CIC: variants seen among roughly 807,000 people sequenced by gnomAD.
The protein encoded by CIC is capicua transcriptional repressor.
A neutral mutation model predicts 115.7 loss-of-function variants in CIC; 18 were observed. That is an observed-to-expected ratio of 0.16 (90% CI 0.11 to 0.23). The LOEUF (loss-of-function observed/expected upper bound fraction) is 0.23. CIC is among the 10% of genes least tolerant of loss of function. The probability of loss-of-function intolerance (pLI) is 1.00; values close to 1 mark genes in which losing one functional copy is unlikely to be tolerated. For missense variants in CIC, 2,000 were observed against 2,159.3 expected, an observed-to-expected ratio of 0.93 and a Z score of 1.46; for synonymous variants, 1,076 against 923.0, an observed-to-expected ratio of 1.17 and a Z score of -3.01.
At chr19:42,283,278 TTGTC>T (rs1485890725) in intron 2 of CIC, among the ~76,000 whole-genome samples, 3 of 151,868 alleles carry the variant, frequency 2.0e-5, no homozygotes, top group African/African-American at 7.3e-5. Flanking sequence ...GTTTGACATG[TTGTC>T]TGTTTGCATG....
At position 42,292,758 on chromosome 19, in the gene CIC, C is replaced by T; in HGVS notation, c.6095C>T (p.Ala2032Val). ...QAPPSLVYTVATSTTPPAATI... is the reference protein window; with the variant it reads ...QAPPSLVYTVVTSTTPPAATI... ...CCCCCAAGCCTGGTCTACACTGTGG[C>T]CACCAGCACAACCCCACCTGCAGCC... The change falls in exon 15 of 21, where the codon GCC (alanine) becomes GTC (valine). Residue 2032 changes from alanine to valine, a missense_variant. By Grantham distance (64) the Ala-to-Val change is moderately conservative. Transcript: ENST00000681038. 1 of 1,613,768 alleles carries T rather than the reference C, an allele frequency of 6.2e-7. No individual in the cohort carries two copies. Among genetic ancestry groups the T allele is most frequent in the Non-Finnish European group, 8.5e-7 (1 of 1,179,950 alleles).
Position 42,290,364 on chromosome 19 carries a change from A to G in CIC, c.4323A>G (p.Pro1441=), listed in dbSNP as rs1386233574. The part of the protein sequence containing the change: ...VAFGKGYGSA[P]SSSASSPASS... Reference sequence around the variant, plus strand: ...TTGGCAAAGGCTATGGTTCCGCCCCATCCTCCTCTGCGTCCTCGCCTGCTT... The same window carrying G: ...TTGGCAAAGGCTATGGTTCCGCCCCGTCCTCCTCTGCGTCCTCGCCTGCTT... The change falls in exon 11 of 21, where the codon CCA becomes CCG. Residue 1441 remains proline, a synonymous_variant. Coordinates refer to ENST00000681038, the MANE Select transcript of CIC (RefSeq NM_001386298.1). 11 of 1,613,716 alleles carry G rather than the reference A, an allele frequency of 6.8e-6. No individual in the cohort carries two copies. The highest frequency in any genetic ancestry group is 9.3e-6 in the Non-Finnish European group (11 of 1,179,936).
intron 2 of CIC, among the ~76,000 whole-genome samples, chr19:42,279,526 C>T (rs2037125374): frequency 1.3e-5 from 2 of 152,350 alleles, no homozygotes; most frequent in Non-Finnish European, 1.5e-5. Context: ...AAGGAAAAGG[C>T]AATTCCACCT....
intron 2 of CIC, among the ~76,000 whole-genome samples, chr19:42,279,806 T>C (rs967598101): frequency 1.3e-5 from 2 of 152,082 alleles, no homozygotes; most frequent in African/African-American, 4.8e-5. Flanking sequence ...GGGAAGAAGA[T>C]GGCTTGGGGA....
At position 42,287,598 on chromosome 19, in the gene CIC, G is replaced by A. The variant is rs371965355; in HGVS notation, c.3363G>A (p.Lys1121=). The A allele has an allele frequency of 3.3e-5, 53 of 1,613,738 alleles. No homozygotes were observed. Among genetic ancestry groups the A allele is most frequent in the Non-Finnish European group, 4.4e-5 (52 of 1,180,046 alleles). The change falls in exon 6 of 21, where the codon AAG becomes AAA. Residue 1121 remains lysine, a synonymous_variant. Coordinates refer to ENST00000681038, the MANE Select transcript of CIC (RefSeq NM_001386298.1). The surrounding 1 kb of genome is among the most constrained non-coding windows in gnomAD (Gnocchi z 8.7). ...RPMNAFMIFS[K]RHRALVHQRH... ...TGAATGCCTTCATGATCTTCAGCAA[G>A]CGGCACCGGGCCCTGGTCCACCAGC...
chr19:42,285,920 G>A (rs2037606308), intron 2 of CIC, among the ~76,000 whole-genome samples: 1 of 152,260 alleles, frequency 6.6e-6, no homozygotes, highest in Middle Eastern at 3.2e-3. Flanking sequence ...GAAACACCTG[G>A]CACTTGTGCC....
At position 42,293,906 on chromosome 19, in the gene CIC, CG is replaced by C. The variant is rs764919246; in HGVS notation, c.6768-24del. 2.9e-5 allele frequency: 46 copies of C among 1,612,618 alleles called. 2 individuals are homozygous for C. The South Asian group carries it at 5.1e-4, about 18-fold the overall frequency. On this transcript the variant is annotated intron_variant, in intron 17 of 20. Coordinates refer to ENST00000681038, the MANE Select transcript of CIC (RefSeq NM_001386298.1). ...GAGTGGGAGCAGCTGCAGGCTGAGGCGGGGGAGGTGACCCTGCCGGCCCTCC... is the reference window on the plus strand; with the variant it reads ...GAGTGGGAGCAGCTGCAGGCTGAGGCGGGGAGGTGACCCTGCCGGCCCTCC...
At position 42,292,772 on chromosome 19, in the gene CIC, C is replaced by A. The variant is rs747345944; in HGVS notation, c.6109C>A (p.Pro2037Thr). Residue 2037 changes from proline (P) to threonine (T), a missense_variant, in exon 15 of 21, where the codon CCA (proline) becomes ACA (threonine). Pro to Thr is a conservative substitution (Grantham distance 38, BLOSUM62 -1). Coordinates refer to ENST00000681038, the MANE Select transcript of CIC (RefSeq NM_001386298.1). ...LVYTVATSTT[P>T]PAATILPKGP... The stretch of plus-strand genomic sequence containing the variant: ...CTACACTGTGGCCACCAGCACAACC[C>A]CACCTGCAGCCACCATTCTGCCCAA... 6 of 1,613,662 alleles carry A rather than the reference C, an allele frequency of 3.7e-6. No homozygotes were observed. The African/African-American group carries it at 8.0e-5, about 22-fold the overall frequency.
At chr19:42,284,323 CGCCCCGCCCCGCCT>C (rs1236911215) in intron 2 of CIC, 5 of 143,980 alleles carry the variant, frequency 3.5e-5, no homozygotes, top group African/African-American at 7.5e-5. Context: ...ACGCGCGTCG[CGCCCCGCCCCGCCT>C]GCCCCGCCTG....
Position 42,291,303 on chromosome 19 carries a change from C to A in CIC, c.5262C>A (p.Ala1754=). 6.2e-7 allele frequency: 1 copy of A among 1,612,852 alleles called. No homozygotes were observed. Among genetic ancestry groups the A allele is most frequent in the South Asian group, 1.1e-5 (1 of 91,078 alleles). Residue 1754 remains alanine, a synonymous_variant, in exon 11 of 21, where the codon GCC becomes GCA. Coordinates refer to ENST00000681038, the MANE Select transcript of CIC (RefSeq NM_001386298.1). ...QLQVAPAPAP[A]PGTKAAAPSG... ...AGGTGGCACCTGCCCCAGCACCAGCCCCTGGGACCAAGGCAGCGGCTCCCA... is the reference window on the plus strand; with the variant it reads ...AGGTGGCACCTGCCCCAGCACCAGCACCTGGGACCAAGGCAGCGGCTCCCA...
chr19:42,283,301 G>A (rs2037350557), intron 2 of CIC, among the ~76,000 whole-genome samples: 1 of 152,078 alleles, frequency 6.6e-6, no homozygotes. Context: ...TGATTCATGT[G>A]GGCTGGTGGG....
At position 42,293,659 on chromosome 19, in the gene CIC, A is replaced by G. The variant is rs1162860980; in HGVS notation, c.6590A>G (p.Glu2197Gly). ...GGGCAGGGCCTGGAGAATCGTGGGG[A>G]GCCTCCCACTCCTCCCAGCCCGGCC... Reference protein sequence around the residue: ...VPGQGLENRGEPPTPPSPAPA... With the variant: ...VPGQGLENRGGPPTPPSPAPA... The change falls in exon 17 of 21, where the codon GAG (glutamate) becomes GGG (glycine). Residue 2197 changes from glutamate to glycine, a missense_variant. Glu to Gly is a moderately conservative substitution (Grantham distance 98, BLOSUM62 -2). This residue lies in a region of CIC where 1,466 missense variants were observed against 1,390.4 expected (regional missense o/e 1.05). Transcript: ENST00000681038. 6.8e-6 allele frequency: 11 copies of G among 1,612,774 alleles called. No homozygotes were observed. Among genetic ancestry groups the G allele is most frequent in the Non-Finnish European group, 9.3e-6 (11 of 1,179,756 alleles).
intron 2 of CIC, among the ~76,000 whole-genome samples, chr19:42,281,590 G>A (rs1043523214): frequency 6.6e-6 from 1 of 152,162 alleles, no homozygotes. Context: ...GAGAGTGGGA[G>A]CTGTCTAGGG....
intron 8 of CIC, 39 bp downstream of exon 8, chr19:42,289,129 A>C: frequency 6.2e-7 from 1 of 1,612,596 alleles, no homozygotes; most frequent in South Asian, 1.1e-5. Flanking sequence ...TGGGCAGGGA[A>C]CCTGTCCAGG....
At position 42,289,168 on chromosome 19, in the gene CIC, A is replaced by C. The variant is rs752941715; in HGVS notation, c.3862-13A>C. On this transcript the variant is annotated splice_polypyrimidine_tract_variant and intron_variant, in intron 8 of 20. Coordinates refer to ENST00000681038, the MANE Select transcript of CIC (RefSeq NM_001386298.1). ...GCAGCCCCGCTGAACCCTCTCTGCC[A>C]CCTATCCTGCAGATGGTGTCTGGCC... is the stretch of plus-strand genomic sequence containing the variant. 1 of 1,613,226 alleles carries C rather than the reference A, an allele frequency of 6.2e-7. No homozygotes were observed. Among genetic ancestry groups the C allele is most frequent in the South Asian group, 1.1e-5 (1 of 91,084 alleles).
rs201351852 is a variant in CIC at position 42,291,676 on chromosome 19, C to A, written c.5544C>A (p.Gly1848=). Residue 1848 remains glycine (G), a synonymous_variant, in exon 12 of 21, where the codon GGC becomes GGA. Coordinates refer to ENST00000681038, the MANE Select transcript of CIC (RefSeq NM_001386298.1). ...TGTCAGTGCGGGGTGGAGGGGCCGG[C>A]CAGCCACTGCCACTGGTGAGCCCGC... ...PSMSVRGGGA[G]QPLPLVSPPF... The A allele has an allele frequency of 6.2e-7, 1 of 1,613,032 alleles. No homozygotes were observed. Among genetic ancestry groups the A allele is most frequent in the South Asian group, 1.1e-5 (1 of 91,086 alleles).
chr19:42,289,469 C>G, intron 9 of CIC, 63 bp downstream of exon 9: 2 of 1,518,156 alleles, frequency 1.3e-6, no homozygotes, highest in Non-Finnish European at 8.9e-7. Context: ...AGAGGGTGGG[C>G]AGAACTTGGA....
intron 2 of CIC, among the ~76,000 whole-genome samples, chr19:42,277,966 G>A (rs915636918): frequency 1.3e-5 from 2 of 152,250 alleles, no homozygotes; most frequent in Admixed American, 6.5e-5. Flanking sequence ...AGGGCAGACC[G>A]TGTTCAGTGG....
rs182118380 is a variant in CIC at position 42,295,419 on chromosome 19, A to G, written c.*228A>G. ...CAGTCTCCCTCCTCCAAGCCCCTGTACATAACCTGGAGCGTGTGACCTTCA... is the reference window on the plus strand; with the variant it reads ...CAGTCTCCCTCCTCCAAGCCCCTGTGCATAACCTGGAGCGTGTGACCTTCA... On this transcript the variant is annotated 3_prime_UTR_variant, in exon 21 of 21. Transcript: ENST00000681038. The G allele has an allele frequency of 1.3e-3, 717 of 553,688 alleles. 6 individuals are homozygous for G. The highest frequency in any genetic ancestry group is 0.011 in the African/African-American group (573 of 53,034). The allele number at this position is 553,688 out of a possible 1,614,324, so 34.3% of individuals were successfully genotyped here.
Sources: gnomAD v4.1 joint callset for allele counts (sites outside exome capture counted in the v4.1 genomes callset) on GRCh38, gnomAD v4.1.1 for gene constraint, gnomAD v4.1.1 regional missense constraint, Gnocchi (gnomAD v3.1) non-coding constraint, MANE v1.5 for transcripts, NCBI Gene and HGNC (gene_info 2026-07-23, HGNC 2026-07-21) for gene names.